Variants in DPP10 observed in about 807,000 individuals in gnomAD.
DPP10 encodes the protein dipeptidyl peptidase like 10, also known as inactive dipeptidyl peptidase 10.
In DPP10, 33 loss-of-function variants were observed where a neutral mutation model predicts 120.9. That is an observed-to-expected ratio of 0.27 (90% confidence interval 0.21 to 0.37). DPP10 has a LOEUF of 0.37. Ranked by LOEUF, DPP10 falls within the 10% of genes least tolerant of loss-of-function variation. The pLI is 1.00. For synonymous variants in DPP10, 337 were observed against 326.1 expected, an observed-to-expected ratio of 1.03 and a Z score of -0.36; for missense variants, 816 against 942.8, an observed-to-expected ratio of 0.87 and a Z score of 1.76.
chr2:114,884,503 T>C (rs1407132112), intron 1 of DPP10, among the ~76,000 whole-genome samples: 1 of 152,140 alleles, frequency 6.6e-6, no homozygotes, highest in African/African-American at 2.4e-5. Flanking sequence ...GCCAGCCAAG[T>C]TTTTCTCCAT....
intron 1 of DPP10, among the ~76,000 whole-genome samples, chr2:114,854,619 G>A (rs146412810): frequency 6.6e-6 from 1 of 152,228 alleles, no homozygotes; most frequent in African/African-American, 2.4e-5. Context: ...GAGAAACAGG[G>A]TTTGAGGAAG....
chr2:115,222,472 A>G (rs545407686), intron 1 of DPP10, among the ~76,000 whole-genome samples: 7 of 152,214 alleles, frequency 4.6e-5, no homozygotes, highest in African/African-American at 1.7e-4. Context: ...TTGGTTTTAA[A>G]AAGAGGAGTT....
chr2:114,609,269 T>A (rs1693085147), intron 1 of DPP10, among the ~76,000 whole-genome samples: 1 of 152,162 alleles, frequency 6.6e-6, no homozygotes, highest in Non-Finnish European at 1.5e-5. Context: ...ATCTGTATAA[T>A]CTATATCTCA....
chr2:115,701,479 C>T (rs2091886048), intron 7 of DPP10, among the ~76,000 whole-genome samples: 1 of 152,080 alleles, frequency 6.6e-6, no homozygotes, highest in South Asian at 2.1e-4. Flanking sequence ...AACTATAAAA[C>T]TTTTAGAAGA....
chr2:115,523,526 A>G lies in DPP10; in HGVS notation c.367-2372A>G, dbSNP rs114457993. Among the ~76,000 whole-genome samples the G allele has an allele frequency of 3.5e-3, 530 of 152,072 alleles. 2 individuals carry two copies. The highest frequency in any genetic ancestry group is 0.012 in the African/African-American group (493 of 41,500). On this transcript the variant is annotated intron_variant, in intron 4 of 25. Transcript: ENST00000410059. ...ACCTTGAGAAAGGTGTAACAACTGCAACGTTGGAATTTTCTAATCCCTGTA... is the reference window on the plus strand; with the variant it reads ...ACCTTGAGAAAGGTGTAACAACTGCGACGTTGGAATTTTCTAATCCCTGTA...
chr2:115,569,954 A>G (rs2081244510), intron 5 of DPP10, among the ~76,000 whole-genome samples: 1 of 141,176 alleles, frequency 7.1e-6, no homozygotes, highest in African/African-American at 2.6e-5. Context: ...AAAAATAATC[A>G]GAAAACAAAT....
intron 1 of DPP10, among the ~76,000 whole-genome samples, chr2:114,741,269 A>G (rs975457414): frequency 2.0e-5 from 3 of 152,220 alleles, no homozygotes; most frequent in Non-Finnish European, 4.4e-5. Context: ...ATATCTGCCT[A>G]TCAGAAGAAA....
intron 1 of DPP10, among the ~76,000 whole-genome samples, chr2:114,548,620 C>T (rs531013644): frequency 6.6e-6 from 1 of 152,298 alleles, no homozygotes; most frequent in African/African-American, 2.4e-5. Context: ...GTCTCTGAAG[C>T]AGTTGGTTGT....
At chr2:115,023,922 A>T (rs546700594) in intron 1 of DPP10, among the ~76,000 whole-genome samples, 1 of 152,238 alleles carries the variant, frequency 6.6e-6, no homozygotes. Flanking sequence ...AAAACCAAGC[A>T]TCATATGTTC....
intron 1 of DPP10, among the ~76,000 whole-genome samples, chr2:115,016,838 A>C (rs13030684): frequency 0.22 from 34,179 of 152,086 alleles, 4,716 homozygotes; most frequent in East Asian, 0.34. Flanking sequence ...CTGGATTAAG[A>C]AAATGTGGCA....
At chr2:115,701,420 A>G (rs2149533678) in intron 7 of DPP10, among the ~76,000 whole-genome samples, 1 of 152,228 alleles carries the variant, frequency 6.6e-6, no homozygotes, top group East Asian at 1.9e-4. Flanking sequence ...CTAATATCAC[A>G]TTCAAAACTT....
intron 3 of DPP10, among the ~76,000 whole-genome samples, chr2:115,399,561 TTG>T (rs1486795712): frequency 2.6e-5 from 4 of 152,182 alleles, no homozygotes; most frequent in Admixed American, 2.6e-4. Context: ...TGCTTTAATT[TTG>T]CTTTAGAATC....
At chr2:114,911,256 G>A (rs1172165131) in intron 1 of DPP10, among the ~76,000 whole-genome samples, 1 of 151,858 alleles carries the variant, frequency 6.6e-6, no homozygotes. Context: ...GTATCAAGTT[G>A]ACAAGTACTA....
intron 1 of DPP10, among the ~76,000 whole-genome samples, chr2:115,102,876 T>C (rs2048761565): frequency 6.6e-6 from 1 of 152,206 alleles, no homozygotes; most frequent in Non-Finnish European, 1.5e-5. Flanking sequence ...GCAGCCACTC[T>C]GTGGCTATGT....
At chr2:115,548,001 A>T (rs1179975475) in intron 5 of DPP10, among the ~76,000 whole-genome samples, 21 of 152,242 alleles carry the variant, frequency 1.4e-4, no homozygotes, top group African/African-American at 2.4e-5. Context: ...ATGTGATTTT[A>T]ACTTTTGCAC....
At chr2:114,530,521 T>C (rs1685880191) in intron 1 of DPP10, among the ~76,000 whole-genome samples, 1 of 152,080 alleles carries the variant, frequency 6.6e-6, no homozygotes, top group South Asian at 2.1e-4. Flanking sequence ...AGGAAGGGGC[T>C]CATTCAAAAA....
At chr2:114,875,058 G>A (rs1691040439) in intron 1 of DPP10, among the ~76,000 whole-genome samples, 1 of 152,112 alleles carries the variant, frequency 6.6e-6, no homozygotes, top group Non-Finnish European at 1.5e-5. Context: ...GGATGTTGTT[G>A]TATTCTTCCA....
intron 1 of DPP10, among the ~76,000 whole-genome samples, chr2:114,981,569 CCTTTCT>C (rs893156944): frequency 1.3e-4 from 20 of 151,804 alleles, no homozygotes; most frequent in Admixed American, 1.1e-3. Context: ...AAGTGAGACC[CCTTTCT>C]CTTTCTCTTT....
At chr2:115,578,634 G>A (rs1237862028) in intron 5 of DPP10, among the ~76,000 whole-genome samples, 7 of 152,098 alleles carry the variant, frequency 4.6e-5, no homozygotes, top group Admixed American at 4.6e-4. Context: ...ACAAGTCAAG[G>A]AAATTTGCAT....
Sources: gnomAD v4.1 joint callset for allele counts (sites outside exome capture counted in the v4.1 genomes callset) on GRCh38, gnomAD v4.1.1 for gene constraint, MANE v1.5 for transcripts, NCBI Gene and HGNC (gene_info 2026-07-23, HGNC 2026-07-21) for gene names.